PACRG: variants seen among roughly 807,000 people sequenced by gnomAD.
PACRG encodes the protein parkin coregulated gene protein.
Under a neutral mutation model 29.7 loss-of-function variants are expected in PACRG, and 29 were observed. The observed-to-expected ratio is 0.98, with a 90% CI of 0.73 to 1.33. The LOEUF (loss-of-function observed/expected upper bound fraction) is 1.33. Among genes scored for constraint, PACRG ranks in the 40% most tolerant of loss-of-function variants. PACRG has a pLI of 0.00. For synonymous variants in PACRG, 116 were observed against 118.7 expected (o/e 0.98, Z 0.15); for missense variants, 279 against 316.2 (o/e 0.88, Z 0.89).
chr6:163,137,408 C>T (rs1027222984), intron 4 of PACRG, among the ~76,000 whole-genome samples: 1 of 152,090 alleles, frequency 6.6e-6, no homozygotes, highest in African/African-American at 2.4e-5. Context: ...TTTATTCCTC[C>T]GGCATTTTAA....
intron 3 of PACRG, among the ~76,000 whole-genome samples, chr6:163,067,917 TA>T (rs1811697249): frequency 6.6e-6 from 1 of 152,260 alleles, no homozygotes; most frequent in Non-Finnish European, 1.5e-5. Flanking sequence ...TTGATTTTTA[TA>T]TACTTCCTAA....
intron 2 of PACRG, among the ~76,000 whole-genome samples, chr6:162,926,295 A>G (rs767276033): frequency 3.9e-5 from 6 of 151,958 alleles, no homozygotes; most frequent in Admixed American, 1.3e-4. Context: ...AAAGTATTAG[A>G]AAAAAAACTA....
intron 1 of PACRG, among the ~76,000 whole-genome samples, chr6:162,790,829 G>T (rs1174133717): frequency 1.3e-5 from 2 of 152,148 alleles, no homozygotes; most frequent in African/African-American, 4.8e-5. Context: ...AAAGCCGGAA[G>T]ATAACTGAAT....
rs533743408 is a variant in PACRG at position 162,796,396 on chromosome 6, AT to A, written c.157-17746del. ...GTGAAATTATTTTGTAATGTTTTCTATTTTTATCTTTCTCTGTGTGCTCAGT... is the reference window on the plus strand; with the variant it reads ...GTGAAATTATTTTGTAATGTTTTCTATTTTATCTTTCTCTGTGTGCTCAGT... On this transcript the variant is annotated intron_variant, in intron 1 of 4. Coordinates refer to ENST00000366888, the MANE Select transcript of PACRG (RefSeq NM_001080379.2). 2.2e-3 allele frequency among the ~76,000 whole-genome samples: 341 copies of A among 152,020 alleles called. 2 individuals carry two copies. The highest frequency in any genetic ancestry group is 7.9e-3 in the African/African-American group (329 of 41,506).
intron 4 of PACRG, chr6:163,101,364 C>A: frequency 1.0e-6 from 1 of 981,182 alleles, no homozygotes; most frequent in Non-Finnish European, 1.2e-6. Flanking sequence ...TTGTGTACAT[C>A]GGGTTTTGAG....
intron 4 of PACRG, among the ~76,000 whole-genome samples, chr6:163,228,550 G>T (rs908705802): frequency 6.6e-6 from 1 of 152,184 alleles, no homozygotes; most frequent in Admixed American, 6.5e-5. Flanking sequence ...ACGGCCATTA[G>T]AGTATGATTA....
intron 4 of PACRG, among the ~76,000 whole-genome samples, chr6:163,213,011 C>T (rs1781215902): frequency 6.6e-6 from 1 of 152,142 alleles, no homozygotes; most frequent in South Asian, 2.1e-4. Flanking sequence ...ATCTCCTGAC[C>T]TCGTGATCCA....
intron 4 of PACRG, among the ~76,000 whole-genome samples, chr6:163,311,948 T>C (rs1187615881): frequency 3.9e-5 from 6 of 151,936 alleles, no homozygotes; most frequent in Admixed American, 1.3e-4. Flanking sequence ...CAGGAAAATA[T>C]GTCTGTCTCC....
At position 163,315,059 on chromosome 6, in the gene PACRG, T is replaced by C. The variant is rs1785596858; in HGVS notation, c.*72T>C. The C allele has an allele frequency of 6.6e-7, 1 of 1,505,866 alleles. No homozygotes were observed. The highest frequency in any genetic ancestry group is 9.0e-7 in the Non-Finnish European group (1 of 1,107,842). 93.3% of individuals were successfully genotyped at this position (1,505,866 alleles called of 1,614,324 possible). A position where few individuals can be genotyped will look rare whatever the true frequency, so the allele number is the denominator to read the frequency against. ...ATCTGTCTCTGTTGCTTTTAGCATC[T>C]CATTCCTTGTGACTTCCACAGCTTT... is the stretch of plus-strand genomic sequence containing the variant. On this transcript the variant is annotated 3_prime_UTR_variant, in exon 5 of 5. Coordinates refer to ENST00000366888, the MANE Select transcript of PACRG (RefSeq NM_001080379.2).
intron 2 of PACRG, among the ~76,000 whole-genome samples, chr6:162,914,090 T>C (rs569838946): frequency 3.0e-4 from 45 of 152,296 alleles, no homozygotes; most frequent in African/African-American, 1.1e-3. Context: ...GCTTATCATT[T>C]TTTTCTTTTA....
chr6:162,844,433 A>T (rs78510756), intron 2 of PACRG, among the ~76,000 whole-genome samples: 1 of 152,226 alleles, frequency 6.6e-6, no homozygotes, highest in Admixed American at 6.5e-5. Context: ...CAAGTGAGGC[A>T]ATGCCTCGCC....
intron 4 of PACRG, among the ~76,000 whole-genome samples, chr6:163,311,205 C>T (rs1381694450): frequency 6.6e-6 from 1 of 152,240 alleles, no homozygotes; most frequent in Non-Finnish European, 1.5e-5. Flanking sequence ...CTAAATCCCT[C>T]GTTCTCCTCT....
At chr6:162,727,700 G>A (rs1197381958), upstream of PACRG, 9 of 1,564,814 alleles carry the variant, frequency 5.8e-6, no homozygotes, top group South Asian at 4.7e-5. Context: ...TGCGGGCCAG[G>A]AACAGGCCCA....
intron 2 of PACRG, among the ~76,000 whole-genome samples, chr6:162,898,849 T>C (rs1250382811): frequency 2.6e-5 from 4 of 152,214 alleles, no homozygotes; most frequent in Non-Finnish European, 4.4e-5. Context: ...GTTTCAGAGA[T>C]TTGGAATTAC....
chr6:163,084,982 G>A (rs567503261), intron 3 of PACRG, among the ~76,000 whole-genome samples: 16 of 149,356 alleles, frequency 1.1e-4, no homozygotes, highest in Admixed American at 6.1e-4. Context: ...TGCAACCTTC[G>A]GCGGGCACAC....
At chr6:163,089,141 G>T (rs1425230823) in intron 3 of PACRG, 118 bp from the exon 4 acceptor site, 5 of 988,518 alleles carry the variant, frequency 5.1e-6, no homozygotes, top group East Asian at 2.6e-5. Flanking sequence ...AAGGCCCATT[G>T]GTCCCCAGTA....
chr6:163,079,396 G>T (rs562547426), intron 3 of PACRG, among the ~76,000 whole-genome samples: 67 of 147,000 alleles, frequency 4.6e-4, no homozygotes, highest in Non-Finnish European at 7.3e-4. Flanking sequence ...GGATACAATT[G>T]TTCACAGAGT....
At chr6:162,806,300 G>T (rs1038460853) in intron 1 of PACRG, among the ~76,000 whole-genome samples, 11 of 151,794 alleles carry the variant, frequency 7.2e-5, no homozygotes, top group African/African-American at 2.2e-4. Context: ...TAGAGCCAGG[G>T]TTTCACCATG....
intron 1 of PACRG, among the ~76,000 whole-genome samples, chr6:162,779,987 G>A (rs1783968294): frequency 6.6e-6 from 1 of 152,212 alleles, no homozygotes; most frequent in African/African-American, 2.4e-5. Flanking sequence ...AGAAGATGAA[G>A]CTTAGAATTC....
Sources: allele counts gnomAD v4.1 joint callset (sites outside exome capture counted in the v4.1 genomes callset), GRCh38; gene constraint gnomAD v4.1.1; transcripts MANE v1.5; gene names NCBI Gene and HGNC (gene_info 2026-07-23, HGNC 2026-07-21).